KLHL24: variants seen among roughly 807,000 people sequenced by gnomAD.
KLHL24 encodes the protein kelch like family member 24.
Under a neutral mutation model 53.4 loss-of-function variants are expected in KLHL24, and 29 were observed. That is an observed-to-expected ratio of 0.54 (90% CI 0.40 to 0.74). The LOEUF (loss-of-function observed/expected upper bound fraction) is 0.74. KLHL24 is among the 30% of genes least tolerant of loss of function. The pLI is 0.00. For missense variants in KLHL24, 504 were observed against 744.0 expected, an observed-to-expected ratio of 0.68 and a Z score of 3.75; for synonymous variants, 222 against 253.7, an observed-to-expected ratio of 0.88 and a Z score of 1.19.
intron 2 of KLHL24, among the ~76,000 whole-genome samples, chr3:183,646,954 C>T (rs955298759): frequency 1.3e-5 from 2 of 150,748 alleles, no homozygotes; most frequent in South Asian, 2.1e-4. Context: ...GGACTACAGG[C>T]GCCTGCCACC....
chr3:183,675,468 T>TC (rs1391318471), intron 7 of KLHL24, among the ~76,000 whole-genome samples: 1 of 152,106 alleles, frequency 6.6e-6, no homozygotes, highest in African/African-American at 2.4e-5. Context: ...CTCAGGGACC[T>TC]CCCCTGGAAA....
chr3:183,648,085 C>G (rs920801916), intron 2 of KLHL24, among the ~76,000 whole-genome samples: 1 of 152,066 alleles, frequency 6.6e-6, no homozygotes, highest in Non-Finnish European at 1.5e-5. Context: ...AGTACAGTAT[C>G]GTGACAATAG....
chr3:183,661,409 TA>T (rs1719774405), intron 3 of KLHL24, among the ~76,000 whole-genome samples: 1 of 152,216 alleles, frequency 6.6e-6, no homozygotes, highest in Non-Finnish European at 1.5e-5. Context: ...TTAAGGCCAT[TA>T]GCTCCCTGCC....
intron 1 of KLHL24, among the ~76,000 whole-genome samples, chr3:183,640,798 C>T (rs936533508): frequency 1.3e-5 from 2 of 152,092 alleles, no homozygotes; most frequent in South Asian, 2.1e-4. Context: ...AACGGGGTTT[C>T]ACTATGTTGG....
rs769542468 is a variant in KLHL24 at position 183,672,460 on chromosome 3, C to T, written c.1578C>T (p.His526=). The T allele has an allele frequency of 9.3e-6, 15 of 1,609,160 alleles. No homozygotes were observed. The highest frequency in any genetic ancestry group is 2.7e-5 in the African/African-American group (2 of 74,686). ...ATCCAGTTGAAGATTACTGGATGCACGTACAGAATACATTCAGCCGTCAGG... is the reference window on the plus strand; with the variant it reads ...ATCCAGTTGAAGATTACTGGATGCATGTACAGAATACATTCAGCCGTCAGG... ...CYDPVEDYWM[H]VQNTFSRQEN... is the part of the protein sequence containing the mutation. The change falls in exon 7 of 8, where the codon CAC becomes CAT. Residue 526 remains histidine (H), a synonymous_variant. Transcript: ENST00000242810.
intron 1 of KLHL24, among the ~76,000 whole-genome samples, chr3:183,637,185 A>G (rs1046037126): frequency 1.1e-4 from 16 of 152,218 alleles, no homozygotes; most frequent in African/African-American, 3.9e-4. Context: ...CAGCTTTTCA[A>G]AAATCACGTC....
intron 3 of KLHL24, among the ~76,000 whole-genome samples, chr3:183,651,657 T>C (rs999291359): frequency 6.6e-6 from 1 of 152,092 alleles, no homozygotes; most frequent in Non-Finnish European, 1.5e-5. Flanking sequence ...CCTCTACTTA[T>C]AAAAAAACAA....
rs1291092973 is a variant in KLHL24, at chr3:183,650,964, A to G, written c.608A>G (p.Glu203Gly). ...QTFEDVSQHE[E>G]FLELDKDELI... is the part of the protein sequence containing the mutation. The stretch of plus-strand genomic sequence containing the variant: ...TTTGAGGATGTATCCCAGCACGAAG[A>G]ATTTCTTGAGCTTGACAAAGATGAA... Residue 203 changes from glutamate to glycine, a missense_variant, in exon 3 of 8, where the codon GAA becomes GGA. Physicochemically the swap from Glu to Gly is moderately conservative, Grantham distance 98 (BLOSUM62 -2). Coordinates refer to ENST00000242810, the MANE Select transcript of KLHL24 (RefSeq NM_017644.3). This position sits in a 1 kb window ranked among gnomAD's most constrained non-coding sequence, Gnocchi z 4.5. The G allele has an allele frequency of 6.2e-7, 1 of 1,614,104 alleles. No homozygotes were observed. The highest frequency in any genetic ancestry group is 2.2e-5 in the East Asian group (1 of 44,894).
chr3:183,674,001 T>A (rs1721721478), intron 7 of KLHL24, among the ~76,000 whole-genome samples: 1 of 152,210 alleles, frequency 6.6e-6, no homozygotes, highest in Admixed American at 6.5e-5. Flanking sequence ...CAAATAGAAC[T>A]CACCTTCTTC....
chr3:183,655,819 G>A (rs2108812798), intron 3 of KLHL24, among the ~76,000 whole-genome samples: 1 of 152,060 alleles, frequency 6.6e-6, no homozygotes, highest in East Asian at 1.9e-4. Flanking sequence ...CTACTCGGGA[G>A]GCTGAGGAGG....
rs372530693 is a variant in KLHL24 at position 183,678,926 on chromosome 3, TTA to T, written c.1603-159_1603-158del. On this transcript the variant is annotated intron_variant, in intron 7 of 7. Coordinates refer to ENST00000242810, the MANE Select transcript of KLHL24 (RefSeq NM_017644.3). Reference sequence around the variant, plus strand: ...TCATTCATGCAAAGTTGTCCAGCGCTTACACAGAACACAGAGAGCAGAGTTGG... The same window carrying T: ...TCATTCATGCAAAGTTGTCCAGCGCTCACAGAACACAGAGAGCAGAGTTGG... 0.4 allele frequency among the ~76,000 whole-genome samples: 60,845 copies of T among 151,630 alleles called. 15,383 individuals are homozygous for T. Among genetic ancestry groups the T allele is most frequent in the African/African-American group, 0.72 (29,866 of 41,206 alleles).
chr3:183,668,331 A>G (rs1560178456), intron 5 of KLHL24, among the ~76,000 whole-genome samples: 1 of 152,074 alleles, frequency 6.6e-6, no homozygotes, highest in African/African-American at 2.4e-5. Context: ...GTAAACTCAA[A>G]TTTATTTGAC....
chr3:183,659,004 C>T (rs1449412266), intron 3 of KLHL24, among the ~76,000 whole-genome samples: 3 of 152,082 alleles, frequency 2.0e-5, no homozygotes, highest in Non-Finnish European at 4.4e-5. Context: ...CAGAGTCTCA[C>T]TTTGTTGCTC....
intron 2 of KLHL24, among the ~76,000 whole-genome samples, chr3:183,649,689 G>C (rs992246533): frequency 6.6e-6 from 1 of 151,792 alleles, no homozygotes; most frequent in African/African-American, 2.4e-5. Context: ...GCTGAGGTGA[G>C]AGGATCGCTT....
chr3:183,661,769 G>A (rs1281134025), intron 3 of KLHL24, among the ~76,000 whole-genome samples: 1 of 152,108 alleles, frequency 6.6e-6, no homozygotes, highest in Non-Finnish European at 1.5e-5. Context: ...ACCAAGTAAT[G>A]TACAATAAGG....
chr3:183,654,337 G>T (rs1488872474), intron 3 of KLHL24, among the ~76,000 whole-genome samples: 1 of 152,008 alleles, frequency 6.6e-6, no homozygotes, highest in African/African-American at 2.4e-5. Flanking sequence ...CTTCCCTTAT[G>T]TACTTGCCTA....
At position 183,681,872 on chromosome 3, in the gene KLHL24, A is replaced by T. The variant is rs1218651102; in HGVS notation, c.*2586A>T. On this transcript the variant is annotated 3_prime_UTR_variant, in exon 8 of 8. Coordinates refer to ENST00000242810, the MANE Select transcript of KLHL24 (RefSeq NM_017644.3). ...ATTTTTCTTTTGATAGGTGATGCTC[A>T]TATGAACCTTTGGTTTAGAATCTAT... is the stretch of plus-strand genomic sequence containing the variant. 1.3e-5 allele frequency: 2 copies of T among 152,508 alleles called. No homozygotes were observed. The allele number at this position is 152,508 out of a possible 1,614,324, so 9.4% of individuals were successfully genotyped here.
intron 3 of KLHL24, among the ~76,000 whole-genome samples, chr3:183,656,376 C>T (rs1342181012): frequency 6.6e-6 from 1 of 152,110 alleles, no homozygotes; most frequent in Non-Finnish European, 1.5e-5. Flanking sequence ...CTTCCTTCGG[C>T]CCTCTTCCTG....
In KLHL24 at chr3:183,659,047, C is replaced by T. The variant is rs1048180402; in HGVS notation, c.921-4411C>T. On this transcript the variant is annotated intron_variant, in intron 3 of 7. Coordinates refer to ENST00000242810, the MANE Select transcript of KLHL24 (RefSeq NM_017644.3). Reference sequence around the variant, plus strand: ...TCTCAAACTCCTGGGCTCAAGTGATCCTCCCACCTTGGTCTCCCAAAGTGT... The same window carrying T: ...TCTCAAACTCCTGGGCTCAAGTGATTCTCCCACCTTGGTCTCCCAAAGTGT... Among the ~76,000 whole-genome samples, 4 of 152,142 alleles carry T rather than the reference C, an allele frequency of 2.6e-5. No individual in the cohort carries two copies. The South Asian group carries it at 8.3e-4, about 32-fold the overall frequency.
Sources: allele counts gnomAD v4.1 joint callset (sites outside exome capture counted in the v4.1 genomes callset), GRCh38; gene constraint gnomAD v4.1.1; non-coding constraint Gnocchi (gnomAD v3.1); transcripts MANE v1.5; gene names NCBI Gene and HGNC (gene_info 2026-07-23, HGNC 2026-07-21).